Variants in RIPPLY1 observed in about 807,000 individuals in gnomAD.
The protein encoded by RIPPLY1 is protein ripply1.
In RIPPLY1, 10 loss-of-function variants were observed where a neutral mutation model predicts 8.7. The ratio of observed to expected loss-of-function variants is 1.15; its 90% CI spans 0.71 to 1.94. The LOEUF (loss-of-function observed/expected upper bound fraction) is 1.94, where lower values mean the gene tolerates loss of function less well. RIPPLY1 is among the 30% of genes most tolerant of loss of function. The probability of loss-of-function intolerance (pLI) is 0.00; values close to 1 mark genes in which losing one functional copy is unlikely to be tolerated. For synonymous variants in RIPPLY1, 54 were observed against 44.8 expected (o/e 1.20, Z -0.82); for missense variants, 118 against 108.7 (o/e 1.09, Z -0.38).
chrX:106,902,436 T>C (rs896045224), intron 1 of RIPPLY1, among the ~76,000 whole-genome samples: 2 of 112,361 alleles, frequency 1.8e-5, no homozygotes, highest in East Asian at 5.6e-4. Context: ...TATTTACTTG[T>C]CTTTGGGCTT....
In RIPPLY1 at chrX:106,900,102, C is replaced by A. The variant is rs924375862; in HGVS notation, c.*647G>T. ...AAAACACCATCCAGTTTATTTTTCT[C>A]CTGATTCATCTCATGCCAACACACA... On this transcript the variant is annotated 3_prime_UTR_variant, in exon 4 of 4. Coordinates refer to ENST00000276173, the MANE Select transcript of RIPPLY1 (RefSeq NM_138382.3). The A allele has an allele frequency of 8.9e-6, 1 of 112,480 alleles. No individual in the cohort carries two copies. Among genetic ancestry groups the A allele is most frequent in the Non-Finnish European group, 1.9e-5 (1 of 53,298 alleles). The allele number at this position is 112,480 out of a possible 1,213,427, so 9.3% of individuals were successfully genotyped here.
At chrX:106,900,946 C>T (rs1295992511) in intron 3 of RIPPLY1, 38 bp from the exon 4 acceptor site, 1 of 1,188,835 alleles carries the variant, frequency 8.4e-7, no homozygotes, top group Admixed American at 2.3e-5. Context: ...TAACAGGTGT[C>T]ATATGTGCAG....
intron 3 of RIPPLY1, 96 bp downstream of exon 3, chrX:106,901,378 G>A (rs1602451269): frequency 1.2e-6 from 1 of 843,313 alleles, no homozygotes; most frequent in East Asian, 3.2e-5. Context: ...ATCATAGATA[G>A]CAATTCCTCC....
chrX:106,902,071 G>A, intron 2 of RIPPLY1, 69 bp downstream of exon 2: 1 of 929,187 alleles, frequency 1.1e-6, no homozygotes, highest in East Asian at 3.4e-5. Flanking sequence ...GGGCTCTCTG[G>A]GAAGTGACCT....
At chrX:106,902,307 G>C in intron 1 of RIPPLY1, 92 bp from the exon 2 acceptor site, 1 of 719,288 alleles carries the variant, frequency 1.4e-6, no homozygotes, top group Non-Finnish European at 2.1e-6. Context: ...GCTTGGCTCA[G>C]GTGCCATCTG....
intron 2 of RIPPLY1, among the ~76,000 whole-genome samples, chrX:106,901,832 C>T (rs779239140): frequency 4.5e-5 from 5 of 110,433 alleles, no homozygotes; most frequent in South Asian, 4.0e-4. Context: ...TCAGGGAGAT[C>T]GGGTGGGTGG....
At chrX:106,902,481 T>C (rs367981596) in intron 1 of RIPPLY1, among the ~76,000 whole-genome samples, 164 of 112,368 alleles carry the variant, frequency 1.5e-3, no homozygotes, top group African/African-American at 5.1e-3. Context: ...CGTATCTGAA[T>C]CCTCAACACC....
chrX:106,903,222 T>G lies in RIPPLY1; in HGVS notation c.66A>C (p.Pro22=), dbSNP rs1933131971. The G allele has an allele frequency of 1.7e-6, 2 of 1,210,585 alleles. No individual in the cohort carries two copies. The highest frequency in any genetic ancestry group is 5.9e-5 in the East Asian group (2 of 33,790). The change falls in exon 1 of 4, where the codon CCA becomes CCC. Residue 22 remains proline, a synonymous_variant. Coordinates refer to ENST00000276173, the MANE Select transcript of RIPPLY1 (RefSeq NM_138382.3). ...PVPALALALA[P]DLAQAPLALP... is the part of the protein sequence containing the mutation. ...GTGCCAGTGGGGCTTGTGCTAGGTC[T>G]GGAGCTAGGGCCAAAGCCAGGGCTG... is the stretch of plus-strand genomic sequence containing the variant.
In RIPPLY1 at chrX:106,902,179, T is replaced by G. The variant is rs766471170; in HGVS notation, c.192A>C (p.Thr64=). The G allele has an allele frequency of 8.4e-7, 1 of 1,192,915 alleles. No individual in the cohort carries two copies. Among genetic ancestry groups the G allele is most frequent in the Admixed American group, 2.3e-5 (1 of 43,644 alleles). The change falls in exon 2 of 4, where the codon ACA becomes ACC. Residue 64 remains threonine (T), a synonymous_variant. Coordinates refer to ENST00000276173, the MANE Select transcript of RIPPLY1 (RefSeq NM_138382.3). ...TCLWRPWLSS[T]NDSPRQMRKL... ...TCCTCATCTGCCTTGGGGAGTCATT[T>G]GTGGAAGACAGCCAGGGCCTCCAGA...
chrX:106,903,200 C>A lies in RIPPLY1; in HGVS notation c.88G>T (p.Ala30Ser). 1 of 1,210,866 alleles carries A rather than the reference C, an allele frequency of 8.3e-7. No homozygotes were observed. The highest frequency in any genetic ancestry group is 1.1e-6 in the Non-Finnish European group (1 of 894,859). Reference sequence around the variant, plus strand: ...GATGGGCTTAACAGGCCAGGGAGTGCCAGTGGGGCTTGTGCTAGGTCTGGA... The same window carrying A: ...GATGGGCTTAACAGGCCAGGGAGTGACAGTGGGGCTTGTGCTAGGTCTGGA... ...LAPDLAQAPL[A>S]LPGLLSPSCL... The change falls in exon 1 of 4, where the codon GCA becomes TCA. Residue 30 changes from alanine to serine, a missense_variant. Ala to Ser is a moderately conservative substitution (Grantham distance 99). Coordinates refer to ENST00000276173, the MANE Select transcript of RIPPLY1 (RefSeq NM_138382.3).
intron 2 of RIPPLY1, 112 bp from the exon 3 acceptor site, chrX:106,901,650 C>T (rs1313220164): frequency 5.2e-6 from 4 of 768,827 alleles, no homozygotes; most frequent in Non-Finnish European, 7.7e-6. Context: ...AGACCTTAGA[C>T]ATCTCTGGGA....
intron 1 of RIPPLY1, among the ~76,000 whole-genome samples, chrX:106,902,425 C>G (rs1202619656): frequency 8.9e-6 from 1 of 112,295 alleles, no homozygotes; most frequent in Non-Finnish European, 1.9e-5. Flanking sequence ...TTGTAATTGT[C>G]TATTTACTTG....
chrX:106,902,189 A>C lies in RIPPLY1; in HGVS notation c.182T>G (p.Leu61Arg). The C allele has an allele frequency of 8.4e-7, 1 of 1,189,428 alleles. No individual in the cohort carries two copies. The highest frequency in any genetic ancestry group is 3.1e-5 in the East Asian group (1 of 32,616). The change falls in exon 2 of 4, where the codon CTG (leucine) becomes CGG (arginine). Residue 61 changes from leucine to arginine, a missense_variant. Leu to Arg is a moderately radical substitution (Grantham distance 102, BLOSUM62 -2). Transcript: ENST00000276173. ...ERGTCLWRPW[L>R]SSTNDSPRQM... ...CCTTGGGGAGTCATTTGTGGAAGACAGCCAGGGCCTCCAGAGACAAGTTCC... is the reference window on the plus strand; with the variant it reads ...CCTTGGGGAGTCATTTGTGGAAGACCGCCAGGGCCTCCAGAGACAAGTTCC...
At chrX:106,902,269 C>T in intron 1 of RIPPLY1, 54 bp from the exon 2 acceptor site, 3 of 1,025,709 alleles carry the variant, frequency 2.9e-6, no homozygotes, top group Non-Finnish European at 4.0e-6. Flanking sequence ...AAGGTGGGCT[C>T]CCTGAGATAA....
Position 106,903,184 on chromosome X carries a change from A to C in RIPPLY1, c.104T>G (p.Leu35Ter). 1 of 1,211,291 alleles carries C rather than the reference A, an allele frequency of 8.3e-7. No individual in the cohort carries two copies. Among genetic ancestry groups the C allele is most frequent in the Non-Finnish European group, 1.1e-6 (1 of 895,095 alleles). Residue 35 changes from leucine (L) to a stop codon, truncating the protein, a stop_gained, in exon 1 of 4, where the codon TTA becomes TGA. Transcript: ENST00000276173. LOFTEE classifies it high-confidence loss of function. ...AGAGGAGAGAAGGCAAGATGGGCTTAACAGGCCAGGGAGTGCCAGTGGGGC... is the reference window on the plus strand; with the variant it reads ...AGAGGAGAGAAGGCAAGATGGGCTTCACAGGCCAGGGAGTGCCAGTGGGGC... ...AQAPLALPGL[L>*]SPSCLLSSGQ...
chrX:106,901,128 G>A (rs887732392), intron 3 of RIPPLY1, among the ~76,000 whole-genome samples: 14 of 112,078 alleles, frequency 1.2e-4, no homozygotes, highest in African/African-American at 4.5e-4. Context: ...TGGTTGGGTC[G>A]GGGGCCAGCC....
At chrX:106,903,066 T>C (rs1445867929) in intron 1 of RIPPLY1, 67 bp downstream of exon 1, 3 of 1,156,333 alleles carry the variant, frequency 2.6e-6, no homozygotes, top group African/African-American at 1.8e-5. Flanking sequence ...GGACATCTCA[T>C]TTTCCTTCCT....
chrX:106,902,999 G>T, intron 1 of RIPPLY1, 134 bp downstream of exon 1: 1 of 653,565 alleles, frequency 1.5e-6, no homozygotes, highest in Non-Finnish European at 2.4e-6. Context: ...AGCTAGAGTT[G>T]AGGAGGGAGG....
At chrX:106,901,380 A>C in intron 3 of RIPPLY1, 94 bp downstream of exon 3, 2 of 859,460 alleles carry the variant, frequency 2.3e-6, no homozygotes, top group Non-Finnish European at 3.4e-6. Context: ...CATAGATAGC[A>C]ATTCCTCCCC....
Sources: gnomAD v4.1 joint callset for allele counts (sites outside exome capture counted in the v4.1 genomes callset) on GRCh38, gnomAD v4.1.1 for gene constraint, MANE v1.5 for transcripts, NCBI Gene and HGNC (gene_info 2026-07-23, HGNC 2026-07-21) for gene names.